SMCHD1: variants seen among roughly 807,000 people sequenced by gnomAD.
The protein encoded by SMCHD1 is structural maintenance of chromosomes flexible hinge domain-containing protein 1.
A neutral mutation model predicts 254.7 loss-of-function variants in SMCHD1; 78 were observed. That is an observed-to-expected ratio of 0.31 (90% CI 0.26 to 0.37). The LOEUF is 0.37. SMCHD1 is among the 10% of genes least tolerant of loss of function. The pLI, the probability that SMCHD1 is intolerant of heterozygous loss-of-function variation, is 1.00. For missense variants in SMCHD1, 1,840 were observed against 2,408.1 expected, an observed-to-expected ratio of 0.76 and a Z score of 4.94; for synonymous variants, 766 against 794.9, an observed-to-expected ratio of 0.96 and a Z score of 0.61.
rs925616788 is a variant in SMCHD1 at position 2,718,929 on chromosome 18, A to G, written c.2458+495A>G. 1.3e-5 allele frequency among the ~76,000 whole-genome samples: 2 copies of G among 152,050 alleles called. No homozygotes were observed. Among genetic ancestry groups the G allele is most frequent in the African/African-American group, 2.4e-5 (1 of 41,398 alleles). On this transcript the variant is annotated intron_variant, in intron 19 of 47. Coordinates refer to ENST00000320876, the MANE Select transcript of SMCHD1 (RefSeq NM_015295.3). The surrounding 1 kb of genome is among the most constrained non-coding windows in gnomAD (Gnocchi z 4.6). The stretch of plus-strand genomic sequence containing the variant: ...CTGAATTTTGAAGACATTGTTTTCT[A>G]CTTTTCATTGTTGCTGGTAAAGTCT...
chr18:2,749,438 A>T (rs1365503592), intron 30 of SMCHD1, among the ~76,000 whole-genome samples: 1 of 152,204 alleles, frequency 6.6e-6, no homozygotes, highest in Non-Finnish European at 1.5e-5. Context: ...CAGAATAAAG[A>T]TATGATTCTA....
At chr18:2,669,583 A>G (rs1042001612) in intron 3 of SMCHD1, among the ~76,000 whole-genome samples, 4 of 152,144 alleles carry the variant, frequency 2.6e-5, no homozygotes, top group African/African-American at 9.7e-5. Context: ...GTTGTATCTT[A>G]CTTCCTCACT....
chr18:2,661,174 G>T (rs993280106), intron 1 of SMCHD1, among the ~76,000 whole-genome samples: 2 of 152,170 alleles, frequency 1.3e-5, no homozygotes, highest in African/African-American at 2.4e-5. Context: ...ACAGGGACCT[G>T]TTGTAGGGTA....
intron 3 of SMCHD1, among the ~76,000 whole-genome samples, chr18:2,670,061 A>G (rs1162951685): frequency 6.6e-6 from 1 of 152,124 alleles, no homozygotes; most frequent in African/African-American, 2.4e-5. Context: ...CTGTCTTTTC[A>G]TCCCTGTCCA....
At chr18:2,785,729 T>G (rs891296961) in intron 45 of SMCHD1, among the ~76,000 whole-genome samples, 1 of 149,410 alleles carries the variant, frequency 6.7e-6, no homozygotes, top group Non-Finnish European at 1.5e-5. Flanking sequence ...CAGAACTGTT[T>G]TCGGTATGCA....
At chr18:2,744,057 T>A in intron 29 of SMCHD1, 129 bp downstream of exon 29, 1 of 764,516 alleles carries the variant, frequency 1.3e-6, no homozygotes, top group Non-Finnish European at 2.0e-6. Flanking sequence ...ACAGTAAAAA[T>A]AACAAAAAAG....
chr18:2,698,853 AT>A (rs5822719), intron 10 of SMCHD1, among the ~76,000 whole-genome samples: 118,050 of 150,262 alleles, frequency 0.79, 48,687 homozygotes, highest in East Asian at 1. Context: ...GTACTATTTT[AT>A]TTTTTTTTAA....
intron 25 of SMCHD1, among the ~76,000 whole-genome samples, chr18:2,736,700 T>G (rs1445727093): frequency 6.6e-6 from 1 of 152,154 alleles, no homozygotes; most frequent in East Asian, 1.9e-4. Flanking sequence ...AGCAAAGAGA[T>G]ACCATCTCAC....
At chr18:2,696,624 C>T (rs989895242) in intron 8 of SMCHD1, among the ~76,000 whole-genome samples, 9 of 152,126 alleles carry the variant, frequency 5.9e-5, no homozygotes, top group Admixed American at 5.9e-4. Flanking sequence ...ATACCTAATC[C>T]AGTTTACCAC....
rs2075476833 is a variant in SMCHD1 at position 2,747,455 on chromosome 18, A to G, written c.3802-67A>G. 4 of 1,362,700 alleles carry G rather than the reference A, an allele frequency of 2.9e-6. No individual in the cohort carries two copies. The East Asian group carries it at 9.6e-5, about 33-fold the overall frequency. The allele number at this position is 1,362,700 out of a possible 1,614,324, so 84.4% of individuals were successfully genotyped here. ...TAAATTAAGTGATCGTTACACAAAT[A>G]TACAAGTAATTGCATTGTTTGGCCC... On this transcript the variant is annotated intron_variant, in intron 29 of 47. Transcript: ENST00000320876.
intron 47 of SMCHD1, chr18:2,796,973 TAATG>T (rs200408934): frequency 0.023 from 3,473 of 152,352 alleles, 74 homozygotes; most frequent in Non-Finnish European, 0.028. Context: ...AATAAAGTAA[TAATG>T]AAGATAAAAC....
intron 7 of SMCHD1, 114 bp downstream of exon 7, chr18:2,688,861 T>A: frequency 3.1e-6 from 2 of 640,602 alleles, no homozygotes; most frequent in African/African-American, 1.8e-5. Context: ...CCTTTAGTCA[T>A]AATAACAAAA....
intron 3 of SMCHD1, among the ~76,000 whole-genome samples, chr18:2,671,595 CTTTTTTT>C (rs760647745): frequency 8.4e-6 from 1 of 119,604 alleles, no homozygotes; most frequent in Non-Finnish European, 1.7e-5. Flanking sequence ...CTTTTCTTTT[CTTTTTTT>C]TTTTTTTTTT....
intron 45 of SMCHD1, 119 bp downstream of exon 45, chr18:2,784,740 G>C (rs1568384320): frequency 8.7e-7 from 1 of 1,150,374 alleles, no homozygotes; most frequent in South Asian, 1.4e-5. Flanking sequence ...AGTAACAAAT[G>C]TAAGTAAGAT....
chr18:2,736,341 C>T (rs886521261), intron 25 of SMCHD1, among the ~76,000 whole-genome samples: 1 of 152,066 alleles, frequency 6.6e-6, no homozygotes, highest in Non-Finnish European at 1.5e-5. Flanking sequence ...TTCTGGATGT[C>T]GGCCCTGGCA....
intron 7 of SMCHD1, among the ~76,000 whole-genome samples, chr18:2,694,155 CAAGTT>C (rs1391515333): frequency 1.3e-5 from 2 of 152,148 alleles, no homozygotes; most frequent in African/African-American, 4.8e-5. Context: ...TGGTCCTGAC[CAAGTT>C]AAGTGGTAGG....
intron 17 of SMCHD1, among the ~76,000 whole-genome samples, chr18:2,716,935 C>CA (rs1366209050): frequency 1.3e-5 from 2 of 152,212 alleles, no homozygotes; most frequent in Non-Finnish European, 2.9e-5. Context: ...TCTGGCTCTG[C>CA]AAAGCAGGGG....
chr18:2,678,277 C>T (rs1458591322), intron 5 of SMCHD1, among the ~76,000 whole-genome samples: 3,624 of 123,574 alleles, frequency 0.029, 70 homozygotes, highest in Middle Eastern at 0.054. Context: ...CTCTCTCCCT[C>T]TCTCTCTTTC....
chr18:2,755,511 A>G (rs548584424), intron 34 of SMCHD1, among the ~76,000 whole-genome samples: 62 of 150,440 alleles, frequency 4.1e-4, no homozygotes, highest in Non-Finnish European at 8.1e-4. Flanking sequence ...TCTAGGATTT[A>G]TAATAGTAGG....
Sources: gnomAD v4.1 joint callset for allele counts (sites outside exome capture counted in the v4.1 genomes callset) on GRCh38, gnomAD v4.1.1 for gene constraint, Gnocchi (gnomAD v3.1) non-coding constraint, MANE v1.5 for transcripts, NCBI Gene and HGNC (gene_info 2026-07-23, HGNC 2026-07-21) for gene names.